The following ZNF823 variants were observed in gnomAD, a reference collection of about 807,000 sequenced individuals.
ZNF823 encodes ZFP 36 for a zinc finger protein.
Under a neutral mutation model 11.4 loss-of-function variants are expected in ZNF823, and 5 were observed. The observed-to-expected ratio is 0.44, with a 90% confidence interval of 0.23 to 0.92. The LOEUF (loss-of-function observed/expected upper bound fraction) is 0.92. Ranked by LOEUF, ZNF823 falls within the 40% of genes least tolerant of loss-of-function variation. The pLI, the probability that ZNF823 is intolerant of heterozygous loss-of-function variation, is 0.24. For missense variants in ZNF823, 582 were observed against 738.5 expected, an observed-to-expected ratio of 0.79 and a Z score of 2.46; for synonymous variants, 234 against 250.5, an observed-to-expected ratio of 0.93 and a Z score of 0.62.
intron 1 of ZNF823, among the ~76,000 whole-genome samples, chr19:11,731,981 C>T (rs530309528): frequency 7.2e-6 from 1 of 138,698 alleles, no homozygotes; most frequent in East Asian, 2.1e-4. Context: ...TGCACTCCAG[C>T]TTGGGTAACA....
At chr19:11,738,673 C>T (rs1975040994) in intron 1 of ZNF823, 144 bp downstream of exon 1, 1 of 1,145,892 alleles carries the variant, frequency 8.7e-7, no homozygotes, top group Non-Finnish European at 1.2e-6. Flanking sequence ...GCCCAGGGGA[C>T]CAAGGGCAGA....
At chr19:11,733,639 C>T (rs945056984) in intron 1 of ZNF823, among the ~76,000 whole-genome samples, 3 of 152,074 alleles carry the variant, frequency 2.0e-5, no homozygotes, top group Admixed American at 6.6e-5. Context: ...ATGGAGGTTG[C>T]AGTGAGCCGA....
At chr19:11,724,026 A>C (rs1197617230) in intron 3 of ZNF823, among the ~76,000 whole-genome samples, 168 bp downstream of exon 3, 2 of 152,166 alleles carry the variant, frequency 1.3e-5, no homozygotes, top group African/African-American at 2.4e-5. Context: ...TGGCCTCCCA[A>C]AGTGCTGGGA....
intron 1 of ZNF823, among the ~76,000 whole-genome samples, chr19:11,728,007 G>A (rs1283329337): frequency 1.3e-5 from 2 of 151,756 alleles, no homozygotes; most frequent in Admixed American, 1.3e-4. Context: ...CTCCCAAGTA[G>A]TTGGGACTAC....
chr19:11,730,728 T>C (rs1027643075), intron 1 of ZNF823: 7 of 152,144 alleles, frequency 4.6e-5, no homozygotes, highest in African/African-American at 1.2e-4. Context: ...TAAACACACA[T>C]GCACACATGG....
intron 1 of ZNF823, among the ~76,000 whole-genome samples, chr19:11,735,281 CAAAAAA>C (rs60923876): frequency 3.0e-5 from 3 of 99,366 alleles, no homozygotes; most frequent in South Asian, 3.6e-4. Flanking sequence ...TTTCAAAAAA[CAAAAAA>C]AAAAAAAAAA....
Position 11,725,339 on chromosome 19 carries a change from C to T in ZNF823, c.4-12G>A. On this transcript the variant is annotated splice_polypyrimidine_tract_variant and intron_variant, in intron 1 of 3. Transcript: ENST00000341191. Reference sequence around the variant, plus strand: ...AAGGCCACTGAGTCCTGAAACATCCCACATGTGCAGAGGAGGAAGGTTGAG... The same window carrying T: ...AAGGCCACTGAGTCCTGAAACATCCTACATGTGCAGAGGAGGAAGGTTGAG... The T allele has an allele frequency of 1.2e-6, 2 of 1,613,258 alleles. No individual in the cohort carries two copies. Among genetic ancestry groups the T allele is most frequent in the Non-Finnish European group, 1.7e-6 (2 of 1,179,530 alleles).
Position 11,725,238 on chromosome 19 carries a change from A to G in ZNF823, c.93T>C (p.Asn31=). The change falls in exon 2 of 4, where the codon AAT becomes AAC. Residue 31 remains asparagine, a synonymous_variant. Coordinates refer to ENST00000341191, the MANE Select transcript of ZNF823 (RefSeq NM_001080493.4). ...GGTTCCTAATGGTTTCCTGCATGAC[A>G]TTTCTGTAGAGACTCTTCTGTGATG... The part of the protein sequence containing the change: ...LGPSQKSLYR[N]VMQETIRNLD... The G allele has an allele frequency of 6.2e-7, 1 of 1,613,992 alleles. No individual in the cohort carries two copies. Among genetic ancestry groups the G allele is most frequent in the South Asian group, 1.1e-5 (1 of 91,080 alleles).
At chr19:11,731,204 C>T (rs1244746203) in intron 1 of ZNF823, among the ~76,000 whole-genome samples, 4 of 151,532 alleles carry the variant, frequency 2.6e-5, no homozygotes, top group African/African-American at 4.9e-5. Flanking sequence ...CGCAGCTTCT[C>T]GGGAGGCTGA....
At chr19:11,729,470 C>T (rs1460803033) in intron 1 of ZNF823, among the ~76,000 whole-genome samples, 1 of 152,128 alleles carries the variant, frequency 6.6e-6, no homozygotes, top group Non-Finnish European at 1.5e-5. Flanking sequence ...ATACATAAGG[C>T]AAAACTTATA....
rs149303453 is a variant in ZNF823, at chr19:11,728,304, A to C, written c.4-2977T>G. On this transcript the variant is annotated intron_variant, in intron 1 of 3. Coordinates refer to ENST00000341191, the MANE Select transcript of ZNF823 (RefSeq NM_001080493.4). ...CCTGGAACAACAGATTACGGTTAAGACGAACAGCAGACCTACTAAGTCTTG... is the reference window on the plus strand; with the variant it reads ...CCTGGAACAACAGATTACGGTTAAGCCGAACAGCAGACCTACTAAGTCTTG... 9.1e-4 allele frequency among the ~76,000 whole-genome samples: 139 copies of C among 152,224 alleles called. 1 individual carries two copies. Among genetic ancestry groups the C allele is most frequent in the African/African-American group, 3.2e-3 (134 of 41,462 alleles).
intron 1 of ZNF823, among the ~76,000 whole-genome samples, chr19:11,725,595 CT>C (rs897448682): frequency 3.3e-5 from 5 of 152,296 alleles, no homozygotes; most frequent in East Asian, 1.9e-4. Context: ...TGCGTCACCC[CT>C]GATGTCTATT....
At chr19:11,730,566 C>T (rs1232609064) in intron 1 of ZNF823, 2 of 151,932 alleles carry the variant, frequency 1.3e-5, no homozygotes, top group African/African-American at 4.8e-5. Flanking sequence ...TAGTGCAAGA[C>T]CCTGACTTAA....
chr19:11,729,036 G>A (rs1021485193), intron 1 of ZNF823, among the ~76,000 whole-genome samples: 1 of 151,966 alleles, frequency 6.6e-6, no homozygotes, highest in African/African-American at 2.4e-5. Flanking sequence ...TTAGCCAGGC[G>A]TGGCAGTGCA....
chr19:11,724,066 GA>G (rs1974745515), intron 3 of ZNF823, 127 bp downstream of exon 3: 1 of 777,894 alleles, frequency 1.3e-6, no homozygotes, highest in East Asian at 3.0e-5. Context: ...TGCTTGGTCA[GA>G]AAAAGAATTA....
At chr19:11,723,563 G>T (rs1974735331) in intron 3 of ZNF823, among the ~76,000 whole-genome samples, 1 of 151,424 alleles carries the variant, frequency 6.6e-6, no homozygotes, top group South Asian at 2.1e-4. Context: ...TCTTTTTTTT[G>T]AGACGGAGCT....
At chr19:11,729,925 C>CT (rs779919063) in intron 1 of ZNF823, among the ~76,000 whole-genome samples, 55,228 of 142,904 alleles carry the variant, frequency 0.39, 10,280 homozygotes, top group South Asian at 0.43. Flanking sequence ...AGTAAAGAAT[C>CT]TTTTTTTTTT....
chr19:11,727,947 T>TCGCGATCCCGG (rs113659507), intron 1 of ZNF823, among the ~76,000 whole-genome samples: 3 of 81,186 alleles, frequency 3.7e-5, no homozygotes, highest in Admixed American at 2.5e-4. Context: ...GAGTTCAGTG[T>TCGCGATCCCGG]CTCGCTGCAA....
chr19:11,721,950 T>C lies in ZNF823; in HGVS notation c.1584A>G (p.Glu528=), dbSNP rs779452530. Residue 528 remains glutamate, a synonymous_variant, in exon 4 of 4, where the codon GAA becomes GAG. Coordinates refer to ENST00000341191, the MANE Select transcript of ZNF823 (RefSeq NM_001080493.4). ...ERIHSGEKPY[E]CKECGKAFSW... ...AGAATGCTTTTCCACATTCCTTACA[T>C]TCATATGGCTTCTCTCCAGAGTGAA... 3.1e-6 allele frequency: 5 copies of C among 1,614,120 alleles called. No homozygotes were observed. In the South Asian group the frequency reaches 3.3e-5, roughly 11 times the overall value.
Sources: allele counts gnomAD v4.1 joint callset (sites outside exome capture counted in the v4.1 genomes callset), GRCh38; gene constraint gnomAD v4.1.1; transcripts MANE v1.5; gene names NCBI Gene and HGNC (gene_info 2026-07-23, HGNC 2026-07-21).